Variants in SLC9B1 observed in about 807,000 individuals in gnomAD.
SLC9B1 encodes sodium/hydrogen exchanger 9B1.
In SLC9B1, 32 loss-of-function variants were observed where a neutral mutation model predicts 51.7. The observed-to-expected ratio is 0.62, with a 90% CI of 0.47 to 0.83. The LOEUF (loss-of-function observed/expected upper bound fraction) is 0.83, where lower values mean the gene tolerates loss of function less well. Ranked by LOEUF, SLC9B1 falls within the 40% of genes least tolerant of loss-of-function variation. SLC9B1 has a pLI of 0.00. For missense variants in SLC9B1, 406 were observed against 613.2 expected (o/e 0.66, Z 3.57); for synonymous variants, 145 against 212.7 (o/e 0.68, Z 2.77).
rs1460264585 is a variant in SLC9B1, at chr4:102,889,826, A to C, written c.1333-4498T>G. ...ACAATTTTATCTTGTCCATCTTTAAAAAATAGACATCTAATAACCAAATGT... is the reference window on the plus strand; with the variant it reads ...ACAATTTTATCTTGTCCATCTTTAACAAATAGACATCTAATAACCAAATGT... On this transcript the variant is annotated intron_variant, in intron 11 of 11. Coordinates refer to the SLC9B1 transcript ENST00000394789. 5.3e-5 allele frequency: 8 copies of C among 152,202 alleles called. No individual in the cohort carries two copies. In the East Asian group the frequency reaches 1.5e-3, roughly 29 times the overall value. 9.4% of individuals were successfully genotyped at this position (152,202 alleles called of 1,614,324 possible).
At chr4:102,969,943 G>A (rs549217217) in intron 3 of SLC9B1, among the ~76,000 whole-genome samples, 1 of 151,798 alleles carries the variant, frequency 6.6e-6, no homozygotes, top group African/African-American at 2.4e-5. Flanking sequence ...TAGAGAAAAA[G>A]AGTAAAAAAA....
intron 5 of SLC9B1, 51 bp downstream of exon 5, chr4:102,946,596 C>A (rs1371563823): frequency 1.3e-6 from 2 of 1,560,062 alleles, no homozygotes; most frequent in Non-Finnish European, 1.7e-6. Flanking sequence ...TCTTTCTCAC[C>A]GTCCTCTAAT....
At chr4:102,942,277 C>T (rs552155300) in intron 6 of SLC9B1, among the ~76,000 whole-genome samples, 1 of 152,204 alleles carries the variant, frequency 6.6e-6, no homozygotes, top group South Asian at 2.1e-4. Context: ...AATGACCATA[C>T]TGCCAAAAAC....
In SLC9B1 at chr4:103,018,850, C is replaced by A. The variant is rs141049801; in HGVS notation, c.-2+749G>T. On this transcript the variant is annotated intron_variant, in intron 1 of 11. Coordinates refer to ENST00000296422, the MANE Select transcript of SLC9B1 (RefSeq NM_139173.4). ...GGCCTATTAGGAACAGGCCACACAGCAGGTGAGCAGGGCTAGAGGATTATG... is the reference window on the plus strand; with the variant it reads ...GGCCTATTAGGAACAGGCCACACAGAAGGTGAGCAGGGCTAGAGGATTATG... Among the ~76,000 whole-genome samples the A allele has an allele frequency of 3.2e-3, 494 of 152,306 alleles. 2 individuals are homozygous for A. The highest frequency in any genetic ancestry group is 4.5e-3 in the Non-Finnish European group (304 of 68,028).
In SLC9B1 at chr4:102,913,241, A is replaced by G. The variant is rs188832726; in HGVS notation, c.830-1704T>C. ...CTCTCTCTCTCTAACTTGACACCCA[A>G]CTGGCATACTTTGGATGCGTGGGAG... On this transcript the variant is annotated intron_variant, in intron 7 of 11. Coordinates refer to ENST00000296422, the MANE Select transcript of SLC9B1 (RefSeq NM_139173.4). Among the ~76,000 whole-genome samples, 607 of 152,294 alleles carry G rather than the reference A, an allele frequency of 4.0e-3. 4 individuals are homozygous for G. The highest frequency in any genetic ancestry group is 0.029 in the South Asian group (141 of 4,830).
chr4:102,978,833 A>G (rs1427178453), intron 3 of SLC9B1, among the ~76,000 whole-genome samples: 14 of 152,168 alleles, frequency 9.2e-5, no homozygotes, highest in African/African-American at 2.9e-4. Flanking sequence ...CAAAGGATTA[A>G]AAACGTGTTC....
At chr4:102,974,241 T>A (rs7659650) in intron 3 of SLC9B1, among the ~76,000 whole-genome samples, 1,249 of 16,508 alleles carry the variant, frequency 0.076, 24 homozygotes, top group Middle Eastern at 0.3. Context: ...TGTCTAAAAT[T>A]GAAAAAAAAA....
chr4:102,988,299 G>A (rs1739765625), intron 3 of SLC9B1, among the ~76,000 whole-genome samples: 1 of 152,060 alleles, frequency 6.6e-6, no homozygotes, highest in South Asian at 2.1e-4. Flanking sequence ...CCCCAAATGA[G>A]GTATGCAAAC....
At chr4:102,955,767 G>A (rs1392695969) in intron 3 of SLC9B1, among the ~76,000 whole-genome samples, 1 of 149,706 alleles carries the variant, frequency 6.7e-6, no homozygotes, top group Non-Finnish European at 1.5e-5. Flanking sequence ...ATGTATCCTG[G>A]AACTCAAAGT....
intron 11 of SLC9B1, chr4:102,885,403 T>G: frequency 1.2e-6 from 2 of 1,614,072 alleles, no homozygotes; most frequent in South Asian, 1.1e-5. Flanking sequence ...CTAAAGCAGC[T>G]TATTGTAGGT....
At chr4:102,933,236 G>A (rs1032756095) in intron 6 of SLC9B1, among the ~76,000 whole-genome samples, 3 of 152,184 alleles carry the variant, frequency 2.0e-5, no homozygotes, top group African/African-American at 7.2e-5. Flanking sequence ...ATACTAGGGA[G>A]GTTGTGCACC....
chr4:102,957,777 T>C (rs1737882798), intron 3 of SLC9B1, among the ~76,000 whole-genome samples: 1 of 150,536 alleles, frequency 6.6e-6, no homozygotes, highest in African/African-American at 2.5e-5. Flanking sequence ...TGTGTATGTG[T>C]GTATATGTGT....
At chr4:102,922,155 T>C (rs1735911812) in intron 7 of SLC9B1, among the ~76,000 whole-genome samples, 1 of 152,102 alleles carries the variant, frequency 6.6e-6, no homozygotes, top group Admixed American at 6.5e-5. Flanking sequence ...GACCACATAA[T>C]TGGAAGTAAA....
intron 4 of SLC9B1, among the ~76,000 whole-genome samples, chr4:102,947,313 T>C (rs1297510212): frequency 2.6e-5 from 4 of 151,942 alleles, no homozygotes; most frequent in Non-Finnish European, 2.9e-5. Context: ...TGTAAGAAAA[T>C]TGTGGATACA....
At chr4:102,946,050 A>G (rs1262470761) in intron 5 of SLC9B1, among the ~76,000 whole-genome samples, 2 of 152,194 alleles carry the variant, frequency 1.3e-5, no homozygotes, top group African/African-American at 2.4e-5. Context: ...ATCTCCCTAA[A>G]AAAAGAAAAA....
At chr4:102,898,793 T>C (rs1214111092), downstream of SLC9B1, among the ~76,000 whole-genome samples, 3 of 152,372 alleles carry the variant, frequency 2.0e-5, no homozygotes, top group South Asian at 4.1e-4. Flanking sequence ...AGTGGCGTGA[T>C]CTTGGCTCAC....
chr4:102,910,650 TTATC>T lies in SLC9B1; in HGVS notation c.937-66_937-63del, dbSNP rs1419606403. ...TAAATATATAATATAAGATTTGACA[TTATC>T]TATTATATATTTTTGACCCTCTGAT... is the stretch of plus-strand genomic sequence containing the variant. On this transcript the variant is annotated intron_variant, in intron 8 of 11. Coordinates refer to ENST00000296422, the MANE Select transcript of SLC9B1 (RefSeq NM_139173.4). The T allele has an allele frequency of 2.9e-5, 22 of 757,236 alleles. No individual in the cohort carries two copies. In the South Asian group the frequency reaches 8.9e-4, roughly 31 times the overall value. 46.9% of individuals were successfully genotyped at this position (757,236 alleles called of 1,614,324 possible). A position where few individuals can be genotyped will look rare whatever the true frequency, so the allele number is the denominator to read the frequency against.
At chr4:103,009,689 T>C (rs1291780501) in intron 1 of SLC9B1, among the ~76,000 whole-genome samples, 2 of 152,248 alleles carry the variant, frequency 1.3e-5, no homozygotes, top group African/African-American at 4.8e-5. Flanking sequence ...ACATACTTAT[T>C]CAATTAATGT....
intron 1 of SLC9B1, among the ~76,000 whole-genome samples, chr4:102,994,591 G>A (rs1387012120): frequency 6.6e-6 from 1 of 152,178 alleles, no homozygotes; most frequent in East Asian, 1.9e-4. Flanking sequence ...CCACTCTGTG[G>A]TGCCAGTTTA....
Sources: allele counts gnomAD v4.1 joint callset (sites outside exome capture counted in the v4.1 genomes callset), GRCh38; gene constraint gnomAD v4.1.1; transcripts MANE v1.5; gene names NCBI Gene and HGNC (gene_info 2026-07-23, HGNC 2026-07-21).